The following ZNF37A variants were observed in gnomAD, a reference collection of about 807,000 sequenced individuals.
ZNF37A encodes zinc finger protein 37a (KOX 21).
ZNF37A carries 10 observed loss-of-function variants against 12.3 expected under a neutral mutation model. That is an observed-to-expected ratio of 0.82 (90% confidence interval 0.50 to 1.38). The LOEUF (loss-of-function observed/expected upper bound fraction) is 1.38, where lower values mean the gene tolerates loss of function less well. Ranked by LOEUF, ZNF37A falls within the 40% of genes most tolerant of loss-of-function variation. The probability of loss-of-function intolerance (pLI) is 0.00; values close to 1 mark genes in which losing one functional copy is unlikely to be tolerated. For synonymous variants in ZNF37A, 207 were observed against 223.0 expected (o/e 0.93, Z 0.64); for missense variants, 580 against 651.2 (o/e 0.89, Z 1.19).
downstream of ZNF37A, chr10:38,124,763 G>C (rs1373914568): frequency 2.0e-5 from 3 of 152,146 alleles, no homozygotes; most frequent in African/African-American, 7.2e-5. Flanking sequence ...AAATAGGCAA[G>C]AAAACTATTT....
chr10:38,120,996 G>C lies in ZNF37A; in HGVS notation c.*2159G>C, dbSNP rs2069660117. 6.6e-6 allele frequency: 1 copy of C among 152,126 alleles called. No individual in the cohort carries two copies. Among genetic ancestry groups the C allele is most frequent in the Non-Finnish European group, 1.5e-5 (1 of 68,024 alleles). The allele number at this position is 152,126 out of a possible 1,614,324, so 9.4% of individuals were successfully genotyped here. The stretch of plus-strand genomic sequence containing the variant: ...TGGAAACAAGGTCATACTAGAGATT[G>C]GTTGTGCCTTGTCACAACTGCAAAC... On this transcript the variant is annotated 3_prime_UTR_variant, in exon 8 of 8. Coordinates refer to ENST00000685332, the MANE Select transcript of ZNF37A (RefSeq NM_001324250.3).
downstream of ZNF37A, among the ~76,000 whole-genome samples, chr10:38,127,348 C>T (rs1466856513): frequency 6.6e-6 from 1 of 152,180 alleles, no homozygotes; most frequent in African/African-American, 2.4e-5. Flanking sequence ...CTTACGCTAA[C>T]CACTTTCTTC....
chr10:38,096,456 A>T lies in ZNF37A; in HGVS notation c.-44-118A>T, dbSNP rs2067160441. ...AACTAATGAGTCCAAGCAGTACATA[A>T]TCATGCCAGAGTCATGCATGGGCGT... On this transcript the variant is annotated intron_variant, in intron 4 of 7. Coordinates refer to ENST00000685332, the MANE Select transcript of ZNF37A (RefSeq NM_001324250.3). 5 of 672,394 alleles carry T rather than the reference A, an allele frequency of 7.4e-6. No individual in the cohort carries two copies. In the East Asian group the frequency reaches 1.3e-4, roughly 18 times the overall value. The allele number at this position is 672,394 out of a possible 1,614,324, so 41.7% of individuals were successfully genotyped here.
downstream of ZNF37A, among the ~76,000 whole-genome samples, chr10:38,129,795 G>A (rs11011457): frequency 6.6e-6 from 1 of 152,048 alleles, no homozygotes; most frequent in East Asian, 1.9e-4. Context: ...TATGTTTGTA[G>A]TTTTGGGTTT....
exon 8 of ZNF37A, chr10:38,149,834 C>T (rs1402392666): frequency 6.6e-6 from 1 of 152,208 alleles, no homozygotes; most frequent in African/African-American, 2.4e-5. Context: ...CTTGGTCTCC[C>T]AAAGTGCTGG....
chr10:38,141,699 A>G (rs2070185578), intron 7 of ZNF37A: 2 of 152,250 alleles, frequency 1.3e-5, no homozygotes, highest in Non-Finnish European at 2.9e-5. Flanking sequence ...TATTATAGTT[A>G]CATGAGATGT....
chr10:38,118,879 A>C lies in ZNF37A; in HGVS notation c.*42A>C, dbSNP rs1386571940. On this transcript the variant is annotated 3_prime_UTR_variant, in exon 8 of 8. Coordinates refer to ENST00000685332, the MANE Select transcript of ZNF37A (RefSeq NM_001324250.3). ...AACACAGAACATAAAGGGTGAGAGA[A>C]ATCTGTTAATATAATGATAATGAGA... is the stretch of plus-strand genomic sequence containing the variant. The C allele has an allele frequency of 2.0e-6, 3 of 1,520,914 alleles. No individual in the cohort carries two copies. Among genetic ancestry groups the C allele is most frequent in the Non-Finnish European group, 1.8e-6 (2 of 1,139,504 alleles). The allele number at this position is 1,520,914 out of a possible 1,614,324, so 94.2% of individuals were successfully genotyped here. A position where few individuals can be genotyped will look rare whatever the true frequency, so the allele number is the denominator to read the frequency against.
downstream of ZNF37A, among the ~76,000 whole-genome samples, chr10:38,126,053 C>T (rs530532045): frequency 4.1e-4 from 62 of 152,248 alleles, no homozygotes; most frequent in Middle Eastern, 0.024. Flanking sequence ...ATGATCACCT[C>T]CCACCAGGAC....
chr10:38,144,669 G>A (rs1189473591), intron 7 of ZNF37A, among the ~76,000 whole-genome samples: 2 of 152,120 alleles, frequency 1.3e-5, no homozygotes, highest in Non-Finnish European at 2.9e-5. Flanking sequence ...AATGTCTGCT[G>A]ACCTAATTTC....
downstream of ZNF37A, among the ~76,000 whole-genome samples, chr10:38,129,303 C>CAAAAAAAAAAAAAAAAAAAAAA (rs2069977236): frequency 7.3e-5 from 3 of 40,926 alleles, no homozygotes; most frequent in Non-Finnish European, 1.1e-4. Context: ...AAGACTCTGT[C>CAAAAAAAAAAAAAAAAAAAAAA]TAAAAAAAAA....
At chr10:38,111,226 C>A (rs176877) in intron 5 of ZNF37A, among the ~76,000 whole-genome samples, 62,327 of 151,650 alleles carry the variant, frequency 0.41, 12,987 homozygotes, top group East Asian at 0.5. Context: ...AGCAAACTAA[C>A]ACAAGAACAG....
At chr10:38,130,844 A>G (rs1261178534) in intron 7 of ZNF37A, among the ~76,000 whole-genome samples, 1 of 151,968 alleles carries the variant, frequency 6.6e-6, no homozygotes, top group Non-Finnish European at 1.5e-5. Flanking sequence ...TGACTTCACC[A>G]CTTTCTTGTC....
rs540626793 is a variant in ZNF37A at position 38,131,850 on chromosome 10, C to G, written c.239-14882C>G. ...TTTTTAGTATATAAGTTTTTAACCT[C>G]CTTAAATAAATTTATTGCAAAGTAT... is the stretch of plus-strand genomic sequence containing the variant. On this transcript the variant is annotated intron_variant, in intron 7 of 7. Transcript: ENST00000638053. Among the ~76,000 whole-genome samples the G allele has an allele frequency of 3.9e-5, 6 of 152,168 alleles. No individual in the cohort carries two copies. In the South Asian group the frequency reaches 1.2e-3, roughly 32 times the overall value.
At chr10:38,148,839 ATTCT>A (rs1314907716) in exon 8 of ZNF37A, 4 of 125,586 alleles carry the variant, frequency 3.2e-5, no homozygotes, top group Middle Eastern at 8.2e-3. Flanking sequence ...TTGCTTTAAT[ATTCT>A]TTTTTTTTTT....
chr10:38,121,455 G>C lies in ZNF37A; in HGVS notation c.*2618G>C, dbSNP rs1048047931. Reference sequence around the variant, plus strand: ...CCTGCCTTCCTTCCCCAGAGTGGAGGAGTTAGACTTGCCTCGTGGGATGAG... The same window carrying C: ...CCTGCCTTCCTTCCCCAGAGTGGAGCAGTTAGACTTGCCTCGTGGGATGAG... On this transcript the variant is annotated 3_prime_UTR_variant, in exon 8 of 8. Coordinates refer to ENST00000685332, the MANE Select transcript of ZNF37A (RefSeq NM_001324250.3). The C allele has an allele frequency of 6.6e-6, 1 of 152,342 alleles. No individual in the cohort carries two copies. The highest frequency in any genetic ancestry group is 1.5e-5 in the Non-Finnish European group (1 of 68,050). The allele number at this position is 152,342 out of a possible 1,614,324, so 9.4% of individuals were successfully genotyped here.
Position 38,121,053 on chromosome 10 carries a change from TAGAA to T in ZNF37A, c.*2222_*2225del, listed in dbSNP as rs2069663116. The T allele has an allele frequency of 3.9e-5, 6 of 152,096 alleles. No individual in the cohort carries two copies. The highest frequency in any genetic ancestry group is 3.3e-4 in the Admixed American group (5 of 15,280). 9.4% of individuals were successfully genotyped at this position (152,096 alleles called of 1,614,324 possible). ...TGAGTGGAGTATTCAAAAACTTGCT[TAGAA>T]AGAAAACTCTAGGAACAGATGGCTT... On this transcript the variant is annotated 3_prime_UTR_variant, in exon 8 of 8. Coordinates refer to ENST00000685332, the MANE Select transcript of ZNF37A (RefSeq NM_001324250.3).
At chr10:38,139,953 C>T (rs1170042986) in intron 7 of ZNF37A, 1 of 152,140 alleles carries the variant, frequency 6.6e-6, no homozygotes, top group Non-Finnish European at 1.5e-5. Context: ...ATCATCTTAG[C>T]ATGCTTTTAG....
At chr10:38,149,178 C>T (rs758937979) in exon 8 of ZNF37A, 3 of 152,128 alleles carry the variant, frequency 2.0e-5, no homozygotes, top group Non-Finnish European at 4.4e-5. Context: ...ATAGCTTAAC[C>T]TATTATCCAA....
chr10:38,117,974 G>C lies in ZNF37A; in HGVS notation c.823G>C (p.Glu275Gln), dbSNP rs758692268. ...HTGEKPYECH[E>Q]CGKTFTQKSA... ...AGGAGAAAAACCTTATGAATGTCAT[G>C]AATGTGGAAAAACCTTCACCCAGAA... Residue 275 changes from glutamate (E) to glutamine (Q), a missense_variant, in exon 8 of 8, where the codon GAA becomes CAA. Glu to Gln is a conservative substitution (Grantham distance 29). Transcript: ENST00000685332. The C allele has an allele frequency of 6.2e-7, 1 of 1,613,972 alleles. No individual in the cohort carries two copies. The highest frequency in any genetic ancestry group is 8.5e-7 in the Non-Finnish European group (1 of 1,180,010).
Sources: gnomAD v4.1 joint callset for allele counts (sites outside exome capture counted in the v4.1 genomes callset) on GRCh38, gnomAD v4.1.1 for gene constraint, MANE v1.5 for transcripts, NCBI Gene and HGNC (gene_info 2026-07-23, HGNC 2026-07-21) for gene names.